Variants in DGKB observed in about 807,000 individuals in gnomAD.
DGKB encodes the protein 90 kDa diacylglycerol kinase.
A neutral mutation model predicts 114.3 loss-of-function variants in DGKB; 67 were observed. The ratio of observed to expected loss-of-function variants is 0.59; its 90% CI spans 0.48 to 0.72. The LOEUF is 0.72. Among genes scored for constraint, DGKB ranks in the 30% least tolerant of loss-of-function variants. DGKB has a pLI of 0.00. For synonymous variants in DGKB, 398 were observed against 323.1 expected, an observed-to-expected ratio of 1.23 and a Z score of -2.49; for missense variants, 907 against 975.2, an observed-to-expected ratio of 0.93 and a Z score of 0.93.
intron 23 of DGKB, among the ~76,000 whole-genome samples, chr7:14,219,996 A>G (rs1463748174): frequency 6.6e-6 from 1 of 151,680 alleles, no homozygotes; most frequent in Non-Finnish European, 1.5e-5. Context: ...GAAATGCATC[A>G]TTAGGTGATT....
intron 4 of DGKB, among the ~76,000 whole-genome samples, chr7:14,739,869 GT>G (rs1832301787): frequency 6.6e-6 from 1 of 152,168 alleles, no homozygotes; most frequent in Non-Finnish European, 1.5e-5. Flanking sequence ...TATCAGGAGT[GT>G]TCCACCCCAA....
chr7:14,757,524 TAC>T (rs2128446751), intron 3 of DGKB, 129 bp downstream of exon 3: 1 of 560,824 alleles, frequency 1.8e-6, no homozygotes, highest in Non-Finnish European at 3.2e-6. Context: ...ATCTGTATCA[TAC>T]ATATATAATG....
chr7:14,676,579 T>TA (rs1229723734), intron 12 of DGKB, among the ~76,000 whole-genome samples: 5 of 151,914 alleles, frequency 3.3e-5, no homozygotes, highest in Admixed American at 1.3e-4. Flanking sequence ...AAATTAAAAA[T>TA]AAAAAAATTA....
chr7:14,367,051 C>T (rs1288612263), intron 21 of DGKB, among the ~76,000 whole-genome samples: 1 of 152,044 alleles, frequency 6.6e-6, no homozygotes, highest in Non-Finnish European at 1.5e-5. Context: ...TTGATCCTTT[C>T]CCAGGCTAGA....
At chr7:14,263,365 A>C (rs1440139086) in intron 23 of DGKB, among the ~76,000 whole-genome samples, 1 of 152,114 alleles carries the variant, frequency 6.6e-6, no homozygotes, top group Non-Finnish European at 1.5e-5. Context: ...TGATGAGATG[A>C]ACCTTTGCTT....
chr7:14,421,150 A>G (rs73679743), intron 21 of DGKB, among the ~76,000 whole-genome samples: 246 of 152,206 alleles, frequency 1.6e-3, no homozygotes, highest in African/African-American at 5.4e-3. Flanking sequence ...TAAACCCCAG[A>G]ATATTTTGTA....
chr7:14,553,443 ATAAG>A (rs1275488618), intron 20 of DGKB, among the ~76,000 whole-genome samples: 4 of 152,218 alleles, frequency 2.6e-5, no homozygotes, highest in African/African-American at 9.6e-5. Flanking sequence ...AAATTGCTAT[ATAAG>A]TAAGTGAAGG....
intron 21 of DGKB, among the ~76,000 whole-genome samples, chr7:14,452,679 A>G (rs1054474112): frequency 2.6e-5 from 4 of 152,090 alleles, no homozygotes; most frequent in African/African-American, 7.2e-5. Flanking sequence ...TATAATAAAA[A>G]TCATAGGTAG....
intron 1 of DGKB, among the ~76,000 whole-genome samples, chr7:14,841,846 T>A (rs972984105): frequency 6.6e-6 from 1 of 152,236 alleles, no homozygotes; most frequent in Non-Finnish European, 1.5e-5. Flanking sequence ...TTTCCAATCA[T>A]ATGAATTAAT....
chr7:14,853,424 A>G (rs1489255031), intron 1 of DGKB, among the ~76,000 whole-genome samples: 1 of 151,854 alleles, frequency 6.6e-6, no homozygotes, highest in Non-Finnish European at 1.5e-5. Context: ...TGTTGCTACT[A>G]CTAAAATCTA....
chr7:14,621,494 C>T lies in DGKB; in HGVS notation c.1168G>A (p.Glu390Lys). 1 of 1,567,434 alleles carries T rather than the reference C, an allele frequency of 6.4e-7. No individual in the cohort carries two copies. The change falls in exon 15 of 26, where the codon GAA becomes AAA. Residue 390 changes from glutamate to lysine, a missense_variant and splice_region_variant. Physicochemically the swap from Glu to Lys is moderately conservative, Grantham distance 56. This residue lies in a region of DGKB where 814 missense variants were observed against 856.6 expected (regional missense o/e 0.95). Transcript: ENST00000402815. ...LPTSGVSVPEERQSTVKKEKS... is the reference protein window; with the variant it reads ...LPTSGVSVPEKRQSTVKKEKS... ...TCCTTTTTCACTGTTGATTGTCTTT[C>T]CTGTAAAAAAGAAAATTTTGATAAA...
intron 23 of DGKB, among the ~76,000 whole-genome samples, chr7:14,239,880 T>C (rs559410551): frequency 6.6e-5 from 10 of 152,222 alleles, no homozygotes; most frequent in Admixed American, 3.3e-4. Context: ...GGGATTGAAG[T>C]TTAGCTGGGA....
intron 21 of DGKB, among the ~76,000 whole-genome samples, chr7:14,463,620 C>G (rs1205304944): frequency 6.6e-6 from 1 of 152,118 alleles, no homozygotes; most frequent in Non-Finnish European, 1.5e-5. Flanking sequence ...TTAAACTCAT[C>G]TTCTACCCTG....
At chr7:14,437,010 T>G (rs1829384287) in intron 21 of DGKB, among the ~76,000 whole-genome samples, 1 of 152,106 alleles carries the variant, frequency 6.6e-6, no homozygotes, top group African/African-American at 2.4e-5. Flanking sequence ...CCATTGGCAT[T>G]TGGCATTTTT....
chr7:14,203,159 G>GT (rs71548071), intron 23 of DGKB, among the ~76,000 whole-genome samples: 1 of 48,616 alleles, frequency 2.1e-5, no homozygotes, highest in African/African-American at 3.1e-4. Context: ...AAGAGCAGTA[G>GT]CCAAAAAAAA....
At chr7:14,290,558 G>A (rs764301841) in intron 23 of DGKB, among the ~76,000 whole-genome samples, 61 of 151,954 alleles carry the variant, frequency 4.0e-4, no homozygotes, top group Non-Finnish European at 7.5e-4. Context: ...AGGCTGCCTC[G>A]GTACCCTCTA....
intron 1 of DGKB, among the ~76,000 whole-genome samples, chr7:14,937,760 A>C (rs1405768253): frequency 6.9e-6 from 1 of 144,094 alleles, no homozygotes; most frequent in East Asian, 1.9e-4. Context: ...GAGACAGCAA[A>C]AACAACCATA....
At chr7:14,863,844 A>T (rs1280280493) in intron 1 of DGKB, among the ~76,000 whole-genome samples, 1 of 152,090 alleles carries the variant, frequency 6.6e-6, no homozygotes, top group East Asian at 1.9e-4. Flanking sequence ...TCATGTCTCT[A>T]ATCCTGGCAC....
intron 1 of DGKB, among the ~76,000 whole-genome samples, chr7:14,957,402 T>C (rs1786572691): frequency 6.6e-6 from 1 of 152,050 alleles, no homozygotes; most frequent in South Asian, 2.1e-4. Flanking sequence ...GTTTCTTATG[T>C]AGCCAACTAT....
Sources: allele counts gnomAD v4.1 joint callset (sites outside exome capture counted in the v4.1 genomes callset), GRCh38; gene constraint gnomAD v4.1.1; regional missense constraint gnomAD v4.1.1; transcripts MANE v1.5; gene names NCBI Gene and HGNC (gene_info 2026-07-23, HGNC 2026-07-21).